The following RAB3C variants were observed in gnomAD, a reference collection of about 807,000 sequenced individuals.
RAB3C encodes RAB3C, member RAS oncogene family.
Under a neutral mutation model 26.4 loss-of-function variants are expected in RAB3C, and 17 were observed. The ratio of observed to expected loss-of-function variants is 0.64; its 90% CI spans 0.44 to 0.97. The LOEUF (loss-of-function observed/expected upper bound fraction) is 0.97. Ranked by LOEUF, RAB3C falls within the 50% of genes least tolerant of loss-of-function variation. The pLI is 0.00. For missense variants in RAB3C, 242 were observed against 281.9 expected (o/e 0.86, Z 1.01); for synonymous variants, 91 against 95.9 (o/e 0.95, Z 0.30).
chr5:58,606,345 G>T (rs765402257), intron 1 of RAB3C, among the ~76,000 whole-genome samples: 1 of 152,158 alleles, frequency 6.6e-6, no homozygotes, highest in Non-Finnish European at 1.5e-5. Context: ...TGATGGGGGA[G>T]GGGCATCCAC....
At position 58,852,249 on chromosome 5, in the gene RAB3C, C is replaced by T. The variant is rs1744130308; in HGVS notation, c.*898C>T. ...TTCAATGACTTGCCTTCCCCAACCC[C>T]CATAATGCACACCACCACCACCATC... On this transcript the variant is annotated 3_prime_UTR_variant, in exon 5 of 5. Transcript: ENST00000282878. 1 of 152,124 alleles carries T rather than the reference C, an allele frequency of 6.6e-6. No individual in the cohort carries two copies. Among genetic ancestry groups the T allele is most frequent in the African/African-American group, 2.4e-5 (1 of 41,408 alleles). The allele number at this position is 152,124 out of a possible 1,614,324, so 9.4% of individuals were successfully genotyped here. A position where few individuals can be genotyped will look rare whatever the true frequency, so the allele number is the denominator to read the frequency against.
chr5:58,596,411 T>A (rs1746249997), intron 1 of RAB3C, among the ~76,000 whole-genome samples: 1 of 148,954 alleles, frequency 6.7e-6, no homozygotes, highest in Admixed American at 7.0e-5. Flanking sequence ...TCTTGTGAAA[T>A]CCCTTTACTA....
intron 1 of RAB3C, among the ~76,000 whole-genome samples, chr5:58,612,532 A>ACG (rs1554044135): frequency 1.1e-5 from 1 of 87,204 alleles, no homozygotes; most frequent in Non-Finnish European, 2.4e-5. Context: ...ATATATATAT[A>ACG]TATATATATA....
intron 3 of RAB3C, among the ~76,000 whole-genome samples, chr5:58,817,351 AT>A (rs1305815007): frequency 6.6e-6 from 1 of 152,190 alleles, no homozygotes; most frequent in African/African-American, 2.4e-5. Flanking sequence ...ATTGAAGAGC[AT>A]TTTTAAGGAT....
intron 3 of RAB3C, among the ~76,000 whole-genome samples, chr5:58,800,348 A>G (rs1742776450): frequency 6.6e-6 from 1 of 152,212 alleles, no homozygotes; most frequent in East Asian, 1.9e-4. Flanking sequence ...TGATTTAGGC[A>G]GGCAGGAGGG....
intron 3 of RAB3C, among the ~76,000 whole-genome samples, chr5:58,802,439 C>T (rs1742832003): frequency 6.6e-6 from 1 of 152,180 alleles, no homozygotes. Flanking sequence ...GCAGAAACTT[C>T]ACATGCAGAG....
chr5:58,623,869 T>A (rs1238152430), intron 2 of RAB3C, among the ~76,000 whole-genome samples: 1 of 152,144 alleles, frequency 6.6e-6, no homozygotes, highest in Non-Finnish European at 1.5e-5. Context: ...GTTCAAATGT[T>A]GTCCCTGATT....
At chr5:58,744,893 A>G (rs1196715041) in intron 3 of RAB3C, among the ~76,000 whole-genome samples, 2 of 152,112 alleles carry the variant, frequency 1.3e-5, no homozygotes, top group Non-Finnish European at 2.9e-5. Context: ...ATTATATCCT[A>G]TTCTCTCCGA....
At chr5:58,667,808 A>C (rs1748032293) in intron 2 of RAB3C, among the ~76,000 whole-genome samples, 1 of 152,170 alleles carries the variant, frequency 6.6e-6, no homozygotes, top group Non-Finnish European at 1.5e-5. Flanking sequence ...GTGTAAGTTT[A>C]AATTTTATTT....
chr5:58,591,722 T>C (rs1275700618), intron 1 of RAB3C, among the ~76,000 whole-genome samples: 1 of 150,680 alleles, frequency 6.6e-6, no homozygotes, highest in Non-Finnish European at 1.5e-5. Context: ...TGCCTTTTTC[T>C]TGGTCCATTT....
At chr5:58,771,245 T>C (rs977447443) in intron 3 of RAB3C, among the ~76,000 whole-genome samples, 1 of 150,758 alleles carries the variant, frequency 6.6e-6, no homozygotes, top group Non-Finnish European at 1.5e-5. Flanking sequence ...TGAATAATTA[T>C]GATGAAGAAT....
At chr5:58,780,588 T>A (rs1397869947) in intron 3 of RAB3C, among the ~76,000 whole-genome samples, 2 of 152,142 alleles carry the variant, frequency 1.3e-5, no homozygotes, top group Admixed American at 1.3e-4. Context: ...ACCTAAGTTT[T>A]GTCATTTGCT....
chr5:58,644,351 G>T (rs1010571552), intron 2 of RAB3C: 1 of 152,132 alleles, frequency 6.6e-6, no homozygotes, highest in Non-Finnish European at 1.5e-5. Context: ...TTTCTTCTAG[G>T]GATAATGGTA....
rs991860229 is a variant in RAB3C, at chr5:58,663,185, C to CT, written c.252+45325dup. The stretch of plus-strand genomic sequence containing the variant: ...GAAGAATCCAGGCATTCCTTCGCTT[C>CT]TTTTTTTTTTCAAATTAAAAAGAAA... On this transcript the variant is annotated intron_variant, in intron 2 of 4. Coordinates refer to ENST00000282878, the MANE Select transcript of RAB3C (RefSeq NM_138453.4). Among the ~76,000 whole-genome samples, 70 of 143,512 alleles carry CT rather than the reference C, an allele frequency of 4.9e-4. 4 individuals carry two copies. Among genetic ancestry groups the CT allele is most frequent in the Middle Eastern group, 3.5e-3 (1 of 284 alleles). 94.1% of individuals were successfully genotyped at this position (143,512 alleles called of 152,430 possible).
At chr5:58,762,466 G>A (rs148794665) in intron 3 of RAB3C, among the ~76,000 whole-genome samples, 271 of 152,314 alleles carry the variant, frequency 1.8e-3, no homozygotes, top group African/African-American at 6.2e-3. Context: ...GCCGAGGCAA[G>A]TGGATCACCT....
intron 2 of RAB3C, among the ~76,000 whole-genome samples, chr5:58,619,148 G>A (rs964507814): frequency 1.3e-5 from 2 of 151,754 alleles, no homozygotes; most frequent in African/African-American, 4.8e-5. Context: ...CTTACAATAG[G>A]CTGTTACTAT....
At chr5:58,737,395 AT>A (rs1579889205) in intron 3 of RAB3C, among the ~76,000 whole-genome samples, 2 of 562 alleles carry the variant, frequency 3.6e-3, no homozygotes, top group African/African-American at 5.5e-3. Flanking sequence ...ACCCTATGAA[AT>A]ATATATATAT....
At chr5:58,610,152 CCTTTA>C (rs1159930730) in intron 1 of RAB3C, among the ~76,000 whole-genome samples, 1 of 149,626 alleles carries the variant, frequency 6.7e-6, no homozygotes, top group Non-Finnish European at 1.5e-5. Context: ...AAAAATTTAG[CCTTTA>C]CTTTGAAGCT....
chr5:58,800,480 G>T (rs1241338762), intron 3 of RAB3C, among the ~76,000 whole-genome samples: 3 of 152,110 alleles, frequency 2.0e-5, no homozygotes, highest in Non-Finnish European at 4.4e-5. Context: ...ACTAGGAAAT[G>T]CTTATTTTCT....
Sources: gnomAD v4.1 joint callset for allele counts (sites outside exome capture counted in the v4.1 genomes callset) on GRCh38, gnomAD v4.1.1 for gene constraint, MANE v1.5 for transcripts, NCBI Gene and HGNC (gene_info 2026-07-23, HGNC 2026-07-21) for gene names.